RNF170: variants seen among roughly 807,000 people sequenced by gnomAD.
The protein encoded by RNF170 is E3 ubiquitin-protein ligase RNF170.
A neutral mutation model predicts 32.7 loss-of-function variants in RNF170; 12 were observed. The ratio of observed to expected loss-of-function variants is 0.37; its 90% CI spans 0.24 to 0.60. The LOEUF is 0.60. Among genes scored for constraint, RNF170 ranks in the 20% least tolerant of loss-of-function variants. RNF170 has a pLI of 0.72. For missense variants in RNF170, 212 were observed against 311.2 expected, an observed-to-expected ratio of 0.68 and a Z score of 2.40; for synonymous variants, 91 against 103.6, an observed-to-expected ratio of 0.88 and a Z score of 0.74.
intron 4 of RNF170, among the ~76,000 whole-genome samples, chr8:42,868,079 TA>T (rs1374607657): frequency 6.6e-6 from 1 of 152,134 alleles, no homozygotes; most frequent in African/African-American, 2.4e-5. Context: ...GCATTTCCAA[TA>T]GAAAATTAAA....
chr8:42,858,588 C>T (rs140796712), intron 6 of RNF170, among the ~76,000 whole-genome samples: 3 of 152,228 alleles, frequency 2.0e-5, no homozygotes, highest in Admixed American at 6.5e-5. Context: ...CTATGATAAA[C>T]GCCATGAAGG....
intron 6 of RNF170, among the ~76,000 whole-genome samples, chr8:42,857,331 G>T (rs1304664985): frequency 6.6e-6 from 1 of 152,208 alleles, no homozygotes; most frequent in East Asian, 1.9e-4. Flanking sequence ...AAGAATGGTT[G>T]TTTCATAATC....
intron 4 of RNF170, among the ~76,000 whole-genome samples, chr8:42,867,331 C>A (rs1392891127): frequency 6.6e-6 from 1 of 151,736 alleles, no homozygotes; most frequent in Admixed American, 6.6e-5. Flanking sequence ...ATTAGCCAGG[C>A]TTGGTGGTGC....
downstream of RNF170, chr8:42,850,715 A>T: frequency 6.5e-7 from 1 of 1,534,762 alleles, no homozygotes. Flanking sequence ...GGGTAAGGGG[A>T]GGGGAGGGTC....
In RNF170 at chr8:42,854,729, C is replaced by T. The variant is rs1469655581; in HGVS notation, c.*1430G>A. 1 of 1,287,476 alleles carries T rather than the reference C, an allele frequency of 7.8e-7. No individual in the cohort carries two copies. The highest frequency in any genetic ancestry group is 1.2e-5 in the South Asian group (1 of 80,930). 79.8% of individuals were successfully genotyped at this position (1,287,476 alleles called of 1,614,324 possible). A position where few individuals can be genotyped will look rare whatever the true frequency, so the allele number is the denominator to read the frequency against. Reference sequence around the variant, plus strand: ...TGGATGATATTAATAGCAGTGATCTCAGATGACAATGCTAACACTGACTCC... The same window carrying T: ...TGGATGATATTAATAGCAGTGATCTTAGATGACAATGCTAACACTGACTCC... On this transcript the variant is annotated 3_prime_UTR_variant, in exon 7 of 7. Transcript: ENST00000527424.
At chr8:42,878,410 C>T (rs2128942443) in intron 2 of RNF170, among the ~76,000 whole-genome samples, 1 of 152,240 alleles carries the variant, frequency 6.6e-6, no homozygotes, top group East Asian at 1.9e-4. Flanking sequence ...GATAAAAAAG[C>T]AAAACAGCTT....
intron 2 of RNF170, among the ~76,000 whole-genome samples, chr8:42,875,081 G>T (rs1804817195): frequency 6.6e-6 from 1 of 151,170 alleles, no homozygotes. Context: ...TGAGGCAGAA[G>T]AATCGCTTAA....
chr8:42,861,944 G>C, intron 5 of RNF170, 89 bp from the exon 6 acceptor site: 3 of 1,335,984 alleles, frequency 2.2e-6, no homozygotes, highest in Non-Finnish European at 3.0e-6. Flanking sequence ...AATGATAAAG[G>C]CTTCTATATT....
Position 42,854,224 on chromosome 8 carries a change from G to C in RNF170, c.*1935C>G. The C allele has an allele frequency of 7.8e-7, 1 of 1,287,202 alleles. No homozygotes were observed. The highest frequency in any genetic ancestry group is 1.0e-6 in the Non-Finnish European group (1 of 988,682). The allele number at this position is 1,287,202 out of a possible 1,614,324, so 79.7% of individuals were successfully genotyped here. A position where few individuals can be genotyped will look rare whatever the true frequency, so the allele number is the denominator to read the frequency against. ...GTGCCTAAGCTGTCTTACTCTGATG[G>C]AGGTATAATGTAGCACGAAAGACTT... On this transcript the variant is annotated 3_prime_UTR_variant, in exon 7 of 7. Transcript: ENST00000527424.
intron 1 of RNF170, among the ~76,000 whole-genome samples, chr8:42,891,182 TACA>T (rs1267720674): frequency 1.3e-5 from 2 of 152,178 alleles, no homozygotes; most frequent in African/African-American, 4.8e-5. Context: ...CCAATTCTGT[TACA>T]ACAACTGTGT....
chr8:42,885,118 T>C (rs1377286643), intron 2 of RNF170, among the ~76,000 whole-genome samples: 1 of 151,926 alleles, frequency 6.6e-6, no homozygotes, highest in Non-Finnish European at 1.5e-5. Context: ...TTTTATATTT[T>C]ACAGTTAAGT....
chr8:42,875,512 C>T (rs145141919), intron 2 of RNF170, among the ~76,000 whole-genome samples: 18 of 152,298 alleles, frequency 1.2e-4, no homozygotes, highest in African/African-American at 4.3e-4. Flanking sequence ...TCAGAGAAGA[C>T]ATAAAAGCAA....
intron 6 of RNF170, chr8:42,861,359 T>C (rs1803645223): frequency 6.2e-6 from 1 of 161,978 alleles, no homozygotes; most frequent in South Asian, 1.8e-4. Context: ...TTCTTGTTTT[T>C]TGAGGAAGGG....
At chr8:42,865,653 G>C (rs1183483089) in intron 4 of RNF170, among the ~76,000 whole-genome samples, 164 bp from the exon 5 acceptor site, 1 of 152,128 alleles carries the variant, frequency 6.6e-6, no homozygotes, top group African/African-American at 2.4e-5. Context: ...TTCAAATCTA[G>C]TAAGAACTCC....
At position 42,853,346 on chromosome 8, in the gene RNF170, A is replaced by G; in HGVS notation, c.*2813T>C. ...TATTCAAAAGAATAAAATGCTTGAC[A>G]AACTCTTTAATCACAAGGTTTGAAC... On this transcript the variant is annotated 3_prime_UTR_variant, in exon 7 of 7. Transcript: ENST00000527424. The G allele has an allele frequency of 2.4e-6, 3 of 1,238,226 alleles. No homozygotes were observed. Among genetic ancestry groups the G allele is most frequent in the Non-Finnish European group, 3.1e-6 (3 of 963,506 alleles). 76.7% of individuals were successfully genotyped at this position (1,238,226 alleles called of 1,614,324 possible).
intron 2 of RNF170, among the ~76,000 whole-genome samples, chr8:42,876,654 T>TG (rs1172068657): frequency 3.5e-5 from 5 of 144,148 alleles, no homozygotes; most frequent in Admixed American, 2.1e-4. Context: ...TGTTTTTTTG[T>TG]GGGTTTTTTT....
chr8:42,854,145 T>C lies in RNF170; in HGVS notation c.*2014A>G, dbSNP rs761698946. 2.3e-6 allele frequency: 3 copies of C among 1,287,140 alleles called. No homozygotes were observed. The highest frequency in any genetic ancestry group is 1.5e-5 in the African/African-American group (1 of 65,802). The allele number at this position is 1,287,140 out of a possible 1,614,324, so 79.7% of individuals were successfully genotyped here. ...TATGCCACCCTTTTACCTATTTGATTTGGAAGTGTAGAATTCGGATTCATG... is the reference window on the plus strand; with the variant it reads ...TATGCCACCCTTTTACCTATTTGATCTGGAAGTGTAGAATTCGGATTCATG... On this transcript the variant is annotated 3_prime_UTR_variant, in exon 7 of 7. Coordinates refer to ENST00000527424, the MANE Select transcript of RNF170 (RefSeq NM_030954.4).
chr8:42,881,199 C>T (rs1197207628), intron 2 of RNF170: 3 of 152,152 alleles, frequency 2.0e-5, no homozygotes, highest in Non-Finnish European at 4.4e-5. Context: ...GGGCAATGGT[C>T]TTGAATAGTC....
At chr8:42,877,586 T>C (rs1271998163) in intron 2 of RNF170, among the ~76,000 whole-genome samples, 1 of 152,112 alleles carries the variant, frequency 6.6e-6, no homozygotes, top group African/African-American at 2.4e-5. Flanking sequence ...TTTCAACAAA[T>C]AAGTGCCAGA....
Sources: gnomAD v4.1 joint callset for allele counts (sites outside exome capture counted in the v4.1 genomes callset) on GRCh38, gnomAD v4.1.1 for gene constraint, MANE v1.5 for transcripts, NCBI Gene and HGNC (gene_info 2026-07-23, HGNC 2026-07-21) for gene names.